NR5A2: variants seen among roughly 807,000 people sequenced by gnomAD.
NR5A2 encodes CYP7A promoter-binding factor.
Under a neutral mutation model 62.7 loss-of-function variants are expected in NR5A2, and 26 were observed. The observed-to-expected ratio is 0.41, with a 90% CI of 0.30 to 0.58. The LOEUF (loss-of-function observed/expected upper bound fraction) is 0.58, where lower values mean the gene tolerates loss of function less well. NR5A2 is among the 20% of genes least tolerant of loss of function. The probability of loss-of-function intolerance (pLI) is 0.22; values close to 1 mark genes in which losing one functional copy is unlikely to be tolerated. For synonymous variants in NR5A2, 246 were observed against 241.7 expected (o/e 1.02, Z -0.16); for missense variants, 541 against 669.1 (o/e 0.81, Z 2.11).
chr1:200,155,259 A>C (rs1653322658), intron 7 of NR5A2, among the ~76,000 whole-genome samples: 6 of 152,242 alleles, frequency 3.9e-5, no homozygotes. Flanking sequence ...CTGTGCACAC[A>C]ATCTAACATT....
rs554794018 is a variant in NR5A2, at chr1:200,055,194, G to A, written c.1110+6376G>A. Among the ~76,000 whole-genome samples, 15 of 151,136 alleles carry A rather than the reference G, an allele frequency of 9.9e-5. No individual in the cohort carries two copies. The East Asian group carries it at 2.7e-3, about 28-fold the overall frequency. On this transcript the variant is annotated intron_variant, in intron 5 of 7. Coordinates refer to ENST00000367362, the MANE Select transcript of NR5A2 (RefSeq NM_205860.3). The stretch of plus-strand genomic sequence containing the variant: ...AAGGCATAACCCACTGTGCCTGGCA[G>A]CCCTACTTTTTTTTTTTTGTGACGG...
chr1:200,057,632 C>T, intron 5 of NR5A2: 1 of 358,232 alleles, frequency 2.8e-6, no homozygotes, highest in Non-Finnish European at 5.6e-6. Context: ...GCGTGCACCA[C>T]AACACCCATC....
intron 5 of NR5A2, among the ~76,000 whole-genome samples, chr1:200,103,122 C>CTTTTT (rs10655211): frequency 0.021 from 2,188 of 106,482 alleles, 112 homozygotes; most frequent in Non-Finnish European, 0.027. Flanking sequence ...ATGTAAAACT[C>CTTTTT]TTTTTTTTTT....
intron 7 of NR5A2, among the ~76,000 whole-genome samples, chr1:200,164,524 C>T (rs914536125): frequency 4.6e-5 from 7 of 151,786 alleles, no homozygotes; most frequent in Non-Finnish European, 1.0e-4. Flanking sequence ...ACCATCTTAA[C>T]CACTTTTCCA....
chr1:200,107,764 C>T lies in NR5A2; in HGVS notation c.1111-3438C>T, dbSNP rs544651253. On this transcript the variant is annotated intron_variant, in intron 5 of 7. Coordinates refer to ENST00000367362, the MANE Select transcript of NR5A2 (RefSeq NM_205860.3). ...AAGCAATTCTCCTGTCTCAGCCTCC[C>T]GAGTAGCTGGGATTACAGGCGCCTG... Among the ~76,000 whole-genome samples, 104 of 152,122 alleles carry T rather than the reference C, an allele frequency of 6.8e-4. 2 individuals carry two copies. The highest frequency in any genetic ancestry group is 1.0e-3 in the South Asian group (5 of 4,822).
chr1:200,148,580 A>G (rs1667832744), intron 7 of NR5A2, among the ~76,000 whole-genome samples: 1 of 152,242 alleles, frequency 6.6e-6, no homozygotes, highest in Non-Finnish European at 1.5e-5. Flanking sequence ...GCCAGAGAGG[A>G]TACATACATA....
intron 7 of NR5A2, among the ~76,000 whole-genome samples, chr1:200,168,598 C>G (rs1654023510): frequency 6.6e-6 from 1 of 151,842 alleles, no homozygotes; most frequent in Admixed American, 6.6e-5. Flanking sequence ...GTGTACACAC[C>G]TATATTATTC....
chr1:200,144,214 TTCTCTCTCTC>T (rs143043558), intron 7 of NR5A2, among the ~76,000 whole-genome samples: 214 of 135,446 alleles, frequency 1.6e-3, no homozygotes, highest in Middle Eastern at 7.1e-3. Flanking sequence ...CCAGCACTGT[TTCTCTCTCTC>T]TCTCTCTCTC....
chr1:200,105,593 T>C lies in NR5A2; in HGVS notation c.1111-5609T>C, dbSNP rs1480835182. On this transcript the variant is annotated intron_variant, in intron 5 of 7. Coordinates refer to ENST00000367362, the MANE Select transcript of NR5A2 (RefSeq NM_205860.3). ...TTAACGATCAGAAATAAGAAATTAG[T>C]TCATATCTACTTAAAACTACCAGTC... Among the ~76,000 whole-genome samples, 6 of 152,370 alleles carry C rather than the reference T, an allele frequency of 3.9e-5. No individual in the cohort carries two copies. The East Asian group carries it at 9.6e-4, about 24-fold the overall frequency.
chr1:200,100,290 G>A (rs772804953), intron 5 of NR5A2, among the ~76,000 whole-genome samples: 43 of 151,970 alleles, frequency 2.8e-4, no homozygotes, highest in Admixed American at 7.9e-4. Context: ...ATTTTCCTTC[G>A]TACTTCATTT....
chr1:200,128,425 G>A (rs1267351509), intron 7 of NR5A2, among the ~76,000 whole-genome samples: 4 of 152,200 alleles, frequency 2.6e-5, no homozygotes, highest in Non-Finnish European at 5.9e-5. Flanking sequence ...CTTTCTTAAA[G>A]ACTTCCTCCT....
intron 7 of NR5A2, among the ~76,000 whole-genome samples, chr1:200,123,806 G>GT (rs34010101): frequency 0.024 from 3,215 of 135,696 alleles, 63 homozygotes; most frequent in Admixed American, 0.043. Context: ...TTTAGAGGTG[G>GT]TTTTTTTTTT....
chr1:200,032,608 A>G (rs111965424), intron 1 of NR5A2, among the ~76,000 whole-genome samples: 62 of 152,070 alleles, frequency 4.1e-4, no homozygotes, highest in Non-Finnish European at 7.8e-4. Flanking sequence ...TTCCCTTTTT[A>G]CTTTCCTTAC....
Position 200,176,681 on chromosome 1 carries a change from A to G in NR5A2, c.*2471A>G, listed in dbSNP as rs1396400937. On this transcript the variant is annotated 3_prime_UTR_variant, in exon 8 of 8. Transcript: ENST00000367362. ...TTATTTTATTTTATTTTTTATTTTA[A>G]GAGGCGGGATCTTGATCTCACATGT... The G allele has an allele frequency of 6.6e-6, 1 of 152,146 alleles. No homozygotes were observed. The highest frequency in any genetic ancestry group is 2.4e-5 in the African/African-American group (1 of 41,432). 9.4% of individuals were successfully genotyped at this position (152,146 alleles called of 1,614,324 possible).
chr1:200,161,853 A>G (rs1653658825), intron 7 of NR5A2, among the ~76,000 whole-genome samples: 1 of 152,230 alleles, frequency 6.6e-6, no homozygotes, highest in Non-Finnish European at 1.5e-5. Flanking sequence ...AAATTAGCCA[A>G]TTCAATAATA....
chr1:200,156,392 C>G (rs1247984164), intron 7 of NR5A2, among the ~76,000 whole-genome samples: 3 of 152,120 alleles, frequency 2.0e-5, no homozygotes, highest in African/African-American at 7.2e-5. Context: ...CTTCAAGTAC[C>G]CATACAACCA....
At chr1:200,028,373 TA>T (rs1273013713) in intron 1 of NR5A2, among the ~76,000 whole-genome samples, 1 of 124,530 alleles carries the variant, frequency 8.0e-6, no homozygotes, top group Non-Finnish European at 1.6e-5. Context: ...GCTTATACCG[TA>T]AAAAATTTTC....
chr1:200,073,094 G>C (rs2102218957), intron 5 of NR5A2, among the ~76,000 whole-genome samples: 1 of 151,926 alleles, frequency 6.6e-6, no homozygotes, highest in East Asian at 1.9e-4. Flanking sequence ...GTTACTATTA[G>C]TTTGCATCTA....
At chr1:200,151,489 G>A (rs988591032) in intron 7 of NR5A2, among the ~76,000 whole-genome samples, 2 of 152,128 alleles carry the variant, frequency 1.3e-5, no homozygotes, top group East Asian at 1.9e-4. Flanking sequence ...AGAGCCCCCC[G>A]CTGCAAGAGC....
Sources: gnomAD v4.1 joint callset for allele counts (sites outside exome capture counted in the v4.1 genomes callset) on GRCh38, gnomAD v4.1.1 for gene constraint, MANE v1.5 for transcripts, NCBI Gene and HGNC (gene_info 2026-07-23, HGNC 2026-07-21) for gene names.